ABHD3: variants seen among roughly 807,000 people sequenced by gnomAD.
The protein encoded by ABHD3 is phospholipase ABHD3.
Under a neutral mutation model 48.8 loss-of-function variants are expected in ABHD3, and 46 were observed. The observed-to-expected ratio is 0.94, with a 90% CI of 0.74 to 1.20. The LOEUF is 1.20. Among genes scored for constraint, ABHD3 ranks in the 50% most tolerant of loss-of-function variants. The probability of loss-of-function intolerance (pLI) is 0.00; values close to 1 mark genes in which losing one functional copy is unlikely to be tolerated. For missense variants in ABHD3, 490 were observed against 497.8 expected, an observed-to-expected ratio of 0.98 and a Z score of 0.15; for synonymous variants, 192 against 183.7, an observed-to-expected ratio of 1.04 and a Z score of -0.36.
intron 8 of ABHD3, among the ~76,000 whole-genome samples, chr18:21,654,194 G>A (rs2039293621): frequency 6.6e-6 from 1 of 151,872 alleles, no homozygotes. Flanking sequence ...CTCCAGTCTG[G>A]GCAACAGAGC....
chr18:21,703,511 C>A, intron 2 of ABHD3, 73 bp downstream of exon 2: 1 of 1,538,544 alleles, frequency 6.5e-7, no homozygotes, highest in Non-Finnish European at 8.9e-7. Context: ...TAACCAAGAA[C>A]TGGGAATAAG....
chr18:21,674,224 TTC>T (rs1339450747), intron 4 of ABHD3, among the ~76,000 whole-genome samples: 6 of 104,772 alleles, frequency 5.7e-5, no homozygotes, highest in Non-Finnish European at 8.4e-5. Context: ...CAACAAAACA[TTC>T]TTTCTTTTAT....
At position 21,657,130 on chromosome 18, in the gene ABHD3, G is replaced by C; in HGVS notation, c.865C>G (p.Gln289Glu). 3 of 1,611,186 alleles carry C rather than the reference G, an allele frequency of 1.9e-6. No individual in the cohort carries two copies. The highest frequency in any genetic ancestry group is 2.5e-6 in the Non-Finnish European group (3 of 1,178,598). The change falls in exon 7 of 9, where the codon CAA becomes GAA. Residue 289 changes from glutamine to glutamate, a missense_variant. Gln to Glu is a conservative substitution (Grantham distance 29). Transcript: ENST00000289119. ...TTCATGACATGATCCATATCAACTT[G>C]TTTTACAAACATATGTCGGTGCCTG... ...VNKHRHMFVKQVDMDHVMKAK... is the reference protein window; with the variant it reads ...VNKHRHMFVKEVDMDHVMKAK...
At chr18:21,684,762 G>A (rs955223055) in intron 3 of ABHD3, among the ~76,000 whole-genome samples, 3 of 152,176 alleles carry the variant, frequency 2.0e-5, no homozygotes, top group Non-Finnish European at 2.9e-5. Context: ...AATTTTACAT[G>A]AGGTGTAAAC....
intron 5 of ABHD3, chr18:21,663,902 C>A: frequency 1.4e-6 from 2 of 1,440,820 alleles, no homozygotes; most frequent in South Asian, 3.0e-5. Context: ...AATCCGCAGT[C>A]ACAGAGACCC....
At chr18:21,662,989 C>T (rs2039537148) in intron 5 of ABHD3, among the ~76,000 whole-genome samples, 1 of 152,168 alleles carries the variant, frequency 6.6e-6, no homozygotes, top group Admixed American at 6.5e-5. Flanking sequence ...AAACTCCGTC[C>T]ATTAAGCACA....
chr18:21,666,126 T>G (rs190212440), intron 4 of ABHD3, among the ~76,000 whole-genome samples: 1 of 152,212 alleles, frequency 6.6e-6, no homozygotes, highest in East Asian at 1.9e-4. Context: ...CTCTGCCTCC[T>G]GGGTTCAAGC....
rs564516602 is a variant in ABHD3, at chr18:21,684,311, CTTTTTTTTTT to C, written c.510-356_510-347del. 4.3e-4 allele frequency among the ~76,000 whole-genome samples: 36 copies of C among 82,818 alleles called. 1 individual carries two copies. The highest frequency in any genetic ancestry group is 6.5e-4 in the Non-Finnish European group (31 of 47,504). 54.3% of individuals were successfully genotyped at this position (82,818 alleles called of 152,430 possible). On this transcript the variant is annotated intron_variant, in intron 3 of 8. Transcript: ENST00000289119. The stretch of plus-strand genomic sequence containing the variant: ...TACAAGTCAAATTTAAATGTTTTTG[CTTTTTTTTTT>C]TTTTTTTTTTTTTGAGATGGAGTCT...
chr18:21,663,149 G>GT (rs2039540943), intron 5 of ABHD3, among the ~76,000 whole-genome samples: 1 of 151,996 alleles, frequency 6.6e-6, no homozygotes, highest in African/African-American at 2.4e-5. Context: ...TTAAAGGCCT[G>GT]TTTTTTAGAG....
intron 5 of ABHD3, among the ~76,000 whole-genome samples, chr18:21,659,611 C>T (rs1197591249): frequency 1.3e-5 from 2 of 151,888 alleles, no homozygotes; most frequent in African/African-American, 4.8e-5. Context: ...AAGAGAAATC[C>T]ACCCTAAGAG....
Position 21,659,231 on chromosome 18 carries a change from GTT to G in ABHD3, c.779_780del (p.Lys260ThrfsTer8). On this transcript the variant is annotated frameshift_variant, in exon 6 of 9. Coordinates refer to ENST00000289119, the MANE Select transcript of ABHD3 (RefSeq NM_138340.5). LOFTEE classifies it high-confidence loss of function. ...TAATTAAAAAGTAGCCAGTTCAGTG[GTT>G]TTTCCAATGACTCTGAGCAAGCGAA... is the stretch of plus-strand genomic sequence containing the variant. ...NTFACSESLE[K>X]PLNWLLFNYY... 3.7e-6 allele frequency: 6 copies of G among 1,613,976 alleles called. No homozygotes were observed. Among genetic ancestry groups the G allele is most frequent in the Non-Finnish European group, 5.1e-6 (6 of 1,179,950 alleles).
intron 3 of ABHD3, among the ~76,000 whole-genome samples, chr18:21,695,963 C>G (rs1248289009): frequency 6.6e-6 from 1 of 152,062 alleles, no homozygotes; most frequent in Non-Finnish European, 1.5e-5. Flanking sequence ...CTGTATAATT[C>G]TGGATGGGTC....
At chr18:21,689,435 G>C (rs2040195301) in intron 3 of ABHD3, among the ~76,000 whole-genome samples, 1 of 150,048 alleles carries the variant, frequency 6.7e-6, no homozygotes, top group Non-Finnish European at 1.5e-5. Flanking sequence ...TGTAATCCCA[G>C]CTACTTGGGA....
At chr18:21,703,828 C>A in intron 1 of ABHD3, 81 bp from the exon 2 acceptor site, 2 of 1,483,672 alleles carry the variant, frequency 1.3e-6, no homozygotes, top group South Asian at 1.2e-5. Context: ...AAAGACTTGT[C>A]GCTCGCGCGC....
chr18:21,688,312 G>A (rs767380299), intron 3 of ABHD3, among the ~76,000 whole-genome samples: 1 of 151,694 alleles, frequency 6.6e-6, no homozygotes, highest in Non-Finnish European at 1.5e-5. Flanking sequence ...TCTAACAATA[G>A]AAATGATAAT....
At chr18:21,656,737 ATGAG>A in intron 8 of ABHD3, 120 bp downstream of exon 8, 1 of 898,100 alleles carries the variant, frequency 1.1e-6, no homozygotes, top group South Asian at 2.0e-5. Flanking sequence ...ATACTGTGTT[ATGAG>A]TATCTAGTTT....
Position 21,683,962 on chromosome 18 carries a change from A to C in ABHD3, c.513T>G (p.Cys171Trp). The C allele has an allele frequency of 1.3e-6, 2 of 1,595,860 alleles. No homozygotes were observed. The highest frequency in any genetic ancestry group is 1.7e-6 in the Non-Finnish European group (2 of 1,170,218). ...IHLSEELGYR[C>W]VVFNNRGVAG... ...CCACTCCTCTGTTGTTAAAAACCAC[A>C]CATCTAAAAACCAGGAAAGCAATTT... The change falls in exon 4 of 9, where the codon TGT becomes TGG. Residue 171 changes from cysteine to tryptophan, a missense_variant. Cys to Trp is a radical substitution (Grantham distance 215). Transcript: ENST00000289119.
At chr18:21,688,766 A>G (rs2040181181) in intron 3 of ABHD3, among the ~76,000 whole-genome samples, 1 of 152,184 alleles carries the variant, frequency 6.6e-6, no homozygotes, top group Non-Finnish European at 1.5e-5. Flanking sequence ...AGGACTTGAA[A>G]AACAGTAAAG....
rs781362823 is a variant in ABHD3 at position 21,656,976 on chromosome 18, T to C, written c.942A>G (p.Gly314=). ...TATAATAATCATCAATTGTTTGGTATCCAAACATGACTGAAGTGAATCGCT... is the reference window on the plus strand; with the variant it reads ...TATAATAATCATCAATTGTTTGGTACCCAAACATGACTGAAGTGAATCGCT... ...FDKRFTSVMF[G]YQTIDDYYTD... Residue 314 remains glycine (G), a synonymous_variant, in exon 8 of 9, where the codon GGA becomes GGG. Transcript: ENST00000289119. 3 of 1,614,034 alleles carry C rather than the reference T, an allele frequency of 1.9e-6. No individual in the cohort carries two copies. The highest frequency in any genetic ancestry group is 1.7e-4 in the Middle Eastern group (1 of 6,060).
Sources: gnomAD v4.1 joint callset for allele counts (sites outside exome capture counted in the v4.1 genomes callset) on GRCh38, gnomAD v4.1.1 for gene constraint, MANE v1.5 for transcripts, NCBI Gene and HGNC (gene_info 2026-07-23, HGNC 2026-07-21) for gene names.